The following MAN1A1 variants were observed in gnomAD, a reference collection of about 807,000 sequenced individuals.
MAN1A1 encodes mannosidase alpha class 1A member 1.
Under a neutral mutation model 70.8 loss-of-function variants are expected in MAN1A1, and 29 were observed. The observed-to-expected ratio is 0.41, with a 90% CI of 0.31 to 0.56. The LOEUF (loss-of-function observed/expected upper bound fraction) is 0.56, where lower values mean the gene tolerates loss of function less well. Ranked by LOEUF, MAN1A1 falls within the 20% of genes least tolerant of loss-of-function variation. The pLI, the probability that MAN1A1 is intolerant of heterozygous loss-of-function variation, is 0.29. For missense variants in MAN1A1, 747 were observed against 841.3 expected, an observed-to-expected ratio of 0.89 and a Z score of 1.39; for synonymous variants, 349 against 330.1, an observed-to-expected ratio of 1.06 and a Z score of -0.62.
chr6:119,200,397 C>T (rs1431950181), intron 8 of MAN1A1, among the ~76,000 whole-genome samples: 3 of 152,026 alleles, frequency 2.0e-5, no homozygotes, highest in Admixed American at 6.5e-5. Flanking sequence ...CATATTTTAG[C>T]ATATGGATTT....
intron 11 of MAN1A1, among the ~76,000 whole-genome samples, chr6:119,185,865 T>A (rs4946401): frequency 0.12 from 15,287 of 132,362 alleles, 1,039 homozygotes; most frequent in East Asian, 0.24. Flanking sequence ...TTTTTTTTTT[T>A]AAATATAAAT....
In MAN1A1 at chr6:119,250,156, T is replaced by A. The variant is rs561005655; in HGVS notation, c.898-1802A>T. 1.8e-4 allele frequency among the ~76,000 whole-genome samples: 28 copies of A among 152,362 alleles called. No homozygotes were observed. In the East Asian group the frequency reaches 5.2e-3, roughly 28 times the overall value. ...ACCCCAGAGAAATTTCATGTTGTCT[T>A]CTGCTACAAGGATTTATCCAATCAC... On this transcript the variant is annotated intron_variant, in intron 5 of 12. Coordinates refer to ENST00000368468, the MANE Select transcript of MAN1A1 (RefSeq NM_005907.4).
intron 7 of MAN1A1, among the ~76,000 whole-genome samples, 184 bp from the exon 8 acceptor site, chr6:119,201,531 C>A (rs1018212489): frequency 3.3e-5 from 5 of 152,096 alleles, no homozygotes; most frequent in African/African-American, 1.2e-4. Context: ...TAGTTATCTA[C>A]CATTAGCCAG....
At chr6:119,249,092 C>T (rs566071228) in intron 5 of MAN1A1, among the ~76,000 whole-genome samples, 5 of 152,098 alleles carry the variant, frequency 3.3e-5, no homozygotes, top group Admixed American at 2.0e-4. Flanking sequence ...GAACTGGGGC[C>T]GATAATACCA....
intron 6 of MAN1A1, among the ~76,000 whole-genome samples, chr6:119,227,309 G>A (rs145021902): frequency 1.1e-4 from 17 of 152,214 alleles, no homozygotes; most frequent in Admixed American, 3.3e-4. Flanking sequence ...GGAAAGTTTT[G>A]TGAGTAACGA....
At chr6:119,226,686 T>C (rs1254533352) in intron 6 of MAN1A1, among the ~76,000 whole-genome samples, 2 of 152,186 alleles carry the variant, frequency 1.3e-5, no homozygotes, top group Non-Finnish European at 2.9e-5. Context: ...TATTTTTTAA[T>C]TTGAGACAGA....
chr6:119,180,208 A>C (rs778017348), intron 12 of MAN1A1, 104 bp downstream of exon 12: 5 of 822,042 alleles, frequency 6.1e-6, no homozygotes, highest in Non-Finnish European at 9.9e-6. Context: ...TGATATTCTG[A>C]ATCAGGCATA....
chr6:119,274,834 C>T (rs1187909791), intron 5 of MAN1A1, among the ~76,000 whole-genome samples: 2 of 152,064 alleles, frequency 1.3e-5, no homozygotes, highest in Non-Finnish European at 2.9e-5. Flanking sequence ...AACCATTTTA[C>T]TCTATTGATG....
At position 119,178,477 on chromosome 6, in the gene MAN1A1, T is replaced by C. The variant is rs1378705973; in HGVS notation, c.*1342A>G. The C allele has an allele frequency of 1.3e-5, 2 of 152,098 alleles. No individual in the cohort carries two copies. The highest frequency in any genetic ancestry group is 3.2e-3 in the Middle Eastern group (1 of 316). 9.4% of individuals were successfully genotyped at this position (152,098 alleles called of 1,614,324 possible). On this transcript the variant is annotated 3_prime_UTR_variant, in exon 13 of 13. Coordinates refer to ENST00000368468, the MANE Select transcript of MAN1A1 (RefSeq NM_005907.4). ...ATGGAAGTATATCTACATAAATATA[T>C]ATGTATATATAGTGGGCCAATGTAA...
rs1773061986 is a variant in MAN1A1, at chr6:119,178,508, C to T, written c.*1311G>A. 6.6e-6 allele frequency: 1 copy of T among 152,026 alleles called. No individual in the cohort carries two copies. Among genetic ancestry groups the T allele is most frequent in the Admixed American group, 6.6e-5 (1 of 15,254 alleles). The allele number at this position is 152,026 out of a possible 1,614,324, so 9.4% of individuals were successfully genotyped here. ...TATATAGTGGGCCAATGTAAGCAAA[C>T]ACAAGGTATCACACCAAATCTATTC... On this transcript the variant is annotated 3_prime_UTR_variant, in exon 13 of 13. Transcript: ENST00000368468.
intron 2 of MAN1A1, among the ~76,000 whole-genome samples, chr6:119,324,961 G>A (rs1773107762): frequency 6.6e-6 from 1 of 152,088 alleles, no homozygotes; most frequent in Admixed American, 6.6e-5. Context: ...CCCAACAGAT[G>A]TGACAACCCT....
chr6:119,308,400 T>C (rs1194310116), intron 2 of MAN1A1, among the ~76,000 whole-genome samples: 2 of 152,188 alleles, frequency 1.3e-5, no homozygotes, highest in African/African-American at 4.8e-5. Context: ...TATACATTAA[T>C]TTTGTTGAGA....
chr6:119,201,886 A>G (rs958171305), intron 7 of MAN1A1, among the ~76,000 whole-genome samples: 2 of 152,204 alleles, frequency 1.3e-5, no homozygotes, highest in African/African-American at 4.8e-5. Flanking sequence ...AACCCTATAC[A>G]TAAATACAGG....
At chr6:119,218,671 T>A (rs1030860739) in intron 6 of MAN1A1, among the ~76,000 whole-genome samples, 2 of 152,078 alleles carry the variant, frequency 1.3e-5, no homozygotes, top group African/African-American at 4.8e-5. Flanking sequence ...TTCTCCCACA[T>A]CTCAAAGCTG....
intron 5 of MAN1A1, among the ~76,000 whole-genome samples, chr6:119,249,106 A>G (rs374143913): frequency 7.9e-5 from 12 of 152,248 alleles, no homozygotes; most frequent in African/African-American, 2.9e-4. Flanking sequence ...AATACCACAG[A>G]CCGGAGTGAA....
chr6:119,280,682 G>GA lies in MAN1A1; in HGVS notation c.897+10000dup, dbSNP rs147091466. Among the ~76,000 whole-genome samples, 558 of 152,046 alleles carry GA rather than the reference G, an allele frequency of 3.7e-3. 9 individuals carry two copies. Among genetic ancestry groups the GA allele is most frequent in the African/African-American group, 0.013 (521 of 41,494 alleles). On this transcript the variant is annotated intron_variant, in intron 5 of 12. Coordinates refer to ENST00000368468, the MANE Select transcript of MAN1A1 (RefSeq NM_005907.4). ...AAAAATAATTTGCAAGAACATTCCT[G>GA]AAAAAAATAACTTTTGTTGAAAAAC...
At chr6:119,252,717 G>A (rs1156418483) in intron 5 of MAN1A1, among the ~76,000 whole-genome samples, 2 of 152,120 alleles carry the variant, frequency 1.3e-5, no homozygotes, top group Admixed American at 6.5e-5. Flanking sequence ...ACTTGAACCC[G>A]GGAGGCGGCA....
chr6:119,284,551 C>T (rs561004247), intron 5 of MAN1A1, among the ~76,000 whole-genome samples: 12 of 152,120 alleles, frequency 7.9e-5, no homozygotes, highest in African/African-American at 2.7e-4. Context: ...ATTTTTGTTA[C>T]GTCTTTTTGT....
At chr6:119,269,969 T>C (rs1775871356) in intron 5 of MAN1A1, among the ~76,000 whole-genome samples, 1 of 152,194 alleles carries the variant, frequency 6.6e-6, no homozygotes, top group African/African-American at 2.4e-5. Context: ...CTTGAACTTA[T>C]CAATTTAAAC....
Sources: allele counts gnomAD v4.1 joint callset (sites outside exome capture counted in the v4.1 genomes callset), GRCh38; gene constraint gnomAD v4.1.1; transcripts MANE v1.5; gene names NCBI Gene and HGNC (gene_info 2026-07-23, HGNC 2026-07-21).